Variants in GRK3 observed in about 807,000 individuals in gnomAD.
GRK3 encodes the protein G protein-coupled receptor kinase 3, also known as adrenergic, beta, receptor kinase 2.
Under a neutral mutation model 95.7 loss-of-function variants are expected in GRK3, and 54 were observed. That is an observed-to-expected ratio of 0.56 (90% confidence interval 0.45 to 0.71). The LOEUF is 0.71. Among genes scored for constraint, GRK3 ranks in the 30% least tolerant of loss-of-function variants. The pLI is 0.00. For synonymous variants in GRK3, 281 were observed against 290.8 expected (o/e 0.97, Z 0.34); for missense variants, 649 against 851.2 (o/e 0.76, Z 2.96).
intron 13 of GRK3, among the ~76,000 whole-genome samples, chr22:25,701,435 A>G (rs2085258179): frequency 1.3e-5 from 2 of 152,266 alleles, no homozygotes; most frequent in South Asian, 4.1e-4. Flanking sequence ...ACATGGCAGC[A>G]TAGACTTGAA....
intron 19 of GRK3, among the ~76,000 whole-genome samples, chr22:25,719,979 T>G (rs2085418772): frequency 6.6e-6 from 1 of 152,220 alleles, no homozygotes; most frequent in Admixed American, 6.5e-5. Context: ...GCCATCGAAG[T>G]TATTTTTGAA....
intron 13 of GRK3, among the ~76,000 whole-genome samples, chr22:25,697,724 A>G (rs1210260377): frequency 6.6e-6 from 1 of 152,216 alleles, no homozygotes; most frequent in African/African-American, 2.4e-5. Context: ...AAGAATGTCC[A>G]GTCATTTGAG....
chr22:25,688,579 G>A lies in GRK3; in HGVS notation c.957+912G>A, dbSNP rs74457852. ...ATCACTGATAGAGTTTTAGATCCTTGCACTGTGTAACCTCCAACTGCTGTG... is the reference window on the plus strand; with the variant it reads ...ATCACTGATAGAGTTTTAGATCCTTACACTGTGTAACCTCCAACTGCTGTG... On this transcript the variant is annotated intron_variant, in intron 11 of 20. Transcript: ENST00000324198. 5.9e-3 allele frequency among the ~76,000 whole-genome samples: 899 copies of A among 152,284 alleles called. 16 individuals carry two copies. Among genetic ancestry groups the A allele is most frequent in the African/African-American group, 0.021 (855 of 41,554 alleles).
intron 2 of GRK3, among the ~76,000 whole-genome samples, chr22:25,618,427 G>T (rs2084556244): frequency 6.6e-6 from 1 of 152,188 alleles, no homozygotes; most frequent in Non-Finnish European, 1.5e-5. Context: ...GTTAGTGTTT[G>T]CATGGTACAT....
chr22:25,620,020 G>T (rs4049394), intron 2 of GRK3, among the ~76,000 whole-genome samples: 14 of 138,894 alleles, frequency 1.0e-4, no homozygotes, highest in East Asian at 4.0e-4. Flanking sequence ...GTGTGTGTGT[G>T]TGTGTGTGTG....
At chr22:25,663,235 G>C (rs1385971952) in intron 4 of GRK3, among the ~76,000 whole-genome samples, 4 of 152,080 alleles carry the variant, frequency 2.6e-5, no homozygotes, top group African/African-American at 9.7e-5. Flanking sequence ...GTGTTGCCCA[G>C]GCTGATCGCG....
chr22:25,585,782 C>A (rs1932278850), intron 1 of GRK3, among the ~76,000 whole-genome samples: 1 of 152,234 alleles, frequency 6.6e-6, no homozygotes, highest in South Asian at 2.1e-4. Flanking sequence ...ATGTCAGTTG[C>A]AATCCTGGGT....
At position 25,726,818 on chromosome 22, in the gene GRK3, A is replaced by C. The variant is rs557675338; in HGVS notation, c.*4368A>C. ...TGCTGCCTATCAGGACTTTCTGAAG[A>C]AGTTCTTTTGCCTCTGCCTACCCTC... On this transcript the variant is annotated 3_prime_UTR_variant, in exon 21 of 21. Transcript: ENST00000324198. The C allele has an allele frequency of 3.9e-5, 6 of 152,184 alleles. No individual in the cohort carries two copies. Among genetic ancestry groups the C allele is most frequent in the African/African-American group, 1.4e-4 (6 of 41,490 alleles). The allele number at this position is 152,184 out of a possible 1,614,324, so 9.4% of individuals were successfully genotyped here.
intron 9 of GRK3, among the ~76,000 whole-genome samples, chr22:25,682,009 C>T (rs939973597): frequency 6.6e-6 from 1 of 152,072 alleles, no homozygotes; most frequent in African/African-American, 2.4e-5. Flanking sequence ...GTTCAGCACC[C>T]CGAGAGGTGA....
chr22:25,592,561 G>GT (rs894260364), intron 1 of GRK3, among the ~76,000 whole-genome samples: 11 of 151,374 alleles, frequency 7.3e-5, no homozygotes, highest in Admixed American at 2.0e-4. Context: ...TAGTCACAAA[G>GT]TTTTTTTTTA....
At chr22:25,591,564 G>A (rs1258576130) in intron 1 of GRK3, among the ~76,000 whole-genome samples, 5 of 152,010 alleles carry the variant, frequency 3.3e-5, no homozygotes, top group African/African-American at 4.8e-5. Flanking sequence ...CAGCTCATTA[G>A]CATAAACTCA....
chr22:25,595,202 G>A (rs930508311), intron 1 of GRK3, among the ~76,000 whole-genome samples: 3 of 152,148 alleles, frequency 2.0e-5, no homozygotes, highest in African/African-American at 7.2e-5. Flanking sequence ...AATTGGAAAA[G>A]AAGGAGTCAA....
chr22:25,628,152 T>C (rs1365123090), intron 2 of GRK3, among the ~76,000 whole-genome samples: 1 of 152,228 alleles, frequency 6.6e-6, no homozygotes, highest in African/African-American at 2.4e-5. Context: ...TGAAATGTTA[T>C]TTTGTTATCT....
intron 1 of GRK3, among the ~76,000 whole-genome samples, chr22:25,586,531 A>G (rs138277038): frequency 0.013 from 1,953 of 152,044 alleles, 11 homozygotes; most frequent in African/African-American, 0.044. Context: ...AATTAAAAAA[A>G]ATCATGACAG....
chr22:25,709,949 T>C lies in GRK3; in HGVS notation c.1380T>C (p.His460=), dbSNP rs959822778. The change falls in exon 16 of 21, where the codon CAT becomes CAC. Residue 460 remains histidine, a synonymous_variant. Coordinates refer to ENST00000324198, the MANE Select transcript of GRK3 (RefSeq NM_005160.4). ...TTTTCAAAGGTGTTGACTGGCAGCATGTCTACTTACAAAAGGTACTCACTC... is the reference window on the plus strand; with the variant it reads ...TTTTCAAAGGTGTTGACTGGCAGCACGTCTACTTACAAAAGGTACTCACTC... ...HSFFKGVDWQ[H]VYLQKYPPPL... is the part of the protein sequence containing the mutation. 6.2e-7 allele frequency: 1 copy of C among 1,613,454 alleles called. No homozygotes were observed. Among genetic ancestry groups the C allele is most frequent in the Non-Finnish European group, 8.5e-7 (1 of 1,179,488 alleles).
intron 1 of GRK3, among the ~76,000 whole-genome samples, chr22:25,584,559 C>T (rs1932225596): frequency 6.6e-6 from 1 of 152,258 alleles, no homozygotes; most frequent in East Asian, 1.9e-4. Flanking sequence ...TGTAAGAGAA[C>T]AGAATAAATC....
At chr22:25,660,515 C>T (rs1007067349) in intron 3 of GRK3, among the ~76,000 whole-genome samples, 2 of 152,176 alleles carry the variant, frequency 1.3e-5, no homozygotes, top group South Asian at 2.1e-4. Context: ...AACCTGCTAG[C>T]CCTCATATGA....
intron 2 of GRK3, among the ~76,000 whole-genome samples, chr22:25,628,877 A>G (rs909378174): frequency 6.6e-6 from 1 of 152,082 alleles, no homozygotes; most frequent in Non-Finnish European, 1.5e-5. Flanking sequence ...GAGCTGTCAC[A>G]TCGATTTCTT....
chr22:25,597,199 A>G (rs1226502549), intron 1 of GRK3, among the ~76,000 whole-genome samples: 1 of 152,210 alleles, frequency 6.6e-6, no homozygotes, highest in African/African-American at 2.4e-5. Flanking sequence ...AGTAAGTGAA[A>G]TATCAGAAAG....
Sources: allele counts gnomAD v4.1 joint callset (sites outside exome capture counted in the v4.1 genomes callset), GRCh38; gene constraint gnomAD v4.1.1; transcripts MANE v1.5; gene names NCBI Gene and HGNC (gene_info 2026-07-23, HGNC 2026-07-21).